PCDHGB1: variants seen among roughly 807,000 people sequenced by gnomAD.
PCDHGB1 encodes protocadherin gamma-B1.
In PCDHGB1, 34 loss-of-function variants were observed where a neutral mutation model predicts 56.6. That is an observed-to-expected ratio of 0.60 (90% CI 0.46 to 0.80). PCDHGB1 has a LOEUF of 0.80. Among genes scored for constraint, PCDHGB1 ranks in the 30% least tolerant of loss-of-function variants. PCDHGB1 has a pLI of 0.00. For missense variants in PCDHGB1, 1,278 were observed against 1,204.6 expected (o/e 1.06, Z -0.90); for synonymous variants, 561 against 505.9 (o/e 1.11, Z -1.46).
At chr5:141,404,410 A>G (rs1343740045) in intron 1 of PCDHGB1, 2 of 1,613,728 alleles carry the variant, frequency 1.2e-6, no homozygotes, top group Non-Finnish European at 1.7e-6. Context: ...AGAATTCTAG[A>G]GTTATTTACT....
At chr5:141,374,037 C>G (rs1770042713) in intron 1 of PCDHGB1, 8 of 1,446,082 alleles carry the variant, frequency 5.5e-6, no homozygotes, top group Non-Finnish European at 7.3e-6. Context: ...TGATGCAGAT[C>G]TGTTCTTCCT....
In PCDHGB1 at chr5:141,486,092, C is replaced by A; in HGVS notation, c.2410-8715C>A. Reference sequence around the variant, plus strand: ...TACTGGAAAGCTTACTCTTTTGGGGCCCCTAGACTTTGAGAGTGAGAATTA... The same window carrying A: ...TACTGGAAAGCTTACTCTTTTGGGGACCCTAGACTTTGAGAGTGAGAATTA... On this transcript the variant is annotated intron_variant, in intron 1 of 3. Coordinates refer to ENST00000523390, the MANE Select transcript of PCDHGB1 (RefSeq NM_018922.3). The surrounding 1 kb of genome is among the most constrained non-coding windows in gnomAD (Gnocchi z 5.0). 1.9e-6 allele frequency: 3 copies of A among 1,614,148 alleles called. No individual in the cohort carries two copies. Among genetic ancestry groups the A allele is most frequent in the Non-Finnish European group, 2.5e-6 (3 of 1,180,008 alleles).
chr5:141,506,216 T>A (rs2237080), intron 3 of PCDHGB1, among the ~76,000 whole-genome samples: 78,167 of 151,604 alleles, frequency 0.52, 20,820 homozygotes, highest in African/African-American at 0.63. Flanking sequence ...TTTGGGAAGC[T>A]GAGGCAGGAG....
intron 1 of PCDHGB1, chr5:141,410,112 C>T (rs775292594): frequency 1.9e-6 from 3 of 1,612,566 alleles, no homozygotes; most frequent in East Asian, 4.5e-5. Context: ...GACAGGGACG[C>T]AGCCCGCCAG....
chr5:141,352,378 G>T lies in PCDHGB1; in HGVS notation c.2118G>T (p.Ala706=). Reference sequence around the variant, plus strand: ...TCTTTCTCCTCGCGGTGATTCTAGCGATCGCCCTGCGCCTGCGACGTTCCT... The same window carrying T: ...TCTTTCTCCTCGCGGTGATTCTAGCTATCGCCCTGCGCCTGCGACGTTCCT... The part of the protein sequence containing the change: ...SVLFLLAVIL[A]IALRLRRSSS... Residue 706 remains alanine, a synonymous_variant, in exon 1 of 4, where the codon GCG becomes GCT. Coordinates refer to ENST00000523390, the MANE Select transcript of PCDHGB1 (RefSeq NM_018922.3). The T allele has an allele frequency of 4.3e-6, 7 of 1,614,008 alleles. No homozygotes were observed. The highest frequency in any genetic ancestry group is 4.2e-6 in the Non-Finnish European group (5 of 1,179,902).
chr5:141,422,296 A>C, intron 1 of PCDHGB1: 1 of 1,550,706 alleles, frequency 6.4e-7, no homozygotes, highest in South Asian at 1.3e-5. Context: ...TATTAATTCA[A>C]TTCTGGAAAA....
At chr5:141,383,126 C>A in intron 1 of PCDHGB1, 1 of 1,614,062 alleles carries the variant, frequency 6.2e-7, no homozygotes, top group East Asian at 2.2e-5. Context: ...CAGCTTTTCG[C>A]CCTGAACCAG....
Position 141,374,942 on chromosome 5 carries a change from A to G in PCDHGB1, c.2409+22273A>G, listed in dbSNP as rs758134474. The G allele has an allele frequency of 5.6e-6, 9 of 1,613,926 alleles. No individual in the cohort carries two copies. Among genetic ancestry groups the G allele is most frequent in the Non-Finnish European group, 7.6e-6 (9 of 1,179,910 alleles). ...TTATTCCTTTGTGAAGATTACAGAA[A>G]AGATCTCACAAATTTTCTGTTTGAA... On this transcript the variant is annotated intron_variant, in intron 1 of 3. Coordinates refer to ENST00000523390, the MANE Select transcript of PCDHGB1 (RefSeq NM_018922.3).
intron 1 of PCDHGB1, chr5:141,385,278 A>G (rs776235211): frequency 7.4e-6 from 12 of 1,613,478 alleles, no homozygotes; most frequent in Non-Finnish European, 1.0e-5. Flanking sequence ...CTTTGCTAAC[A>G]TCCGTAGATT....
At chr5:141,415,302 G>A in intron 1 of PCDHGB1, 3 of 1,614,212 alleles carry the variant, frequency 1.9e-6, no homozygotes, top group South Asian at 2.2e-5. Context: ...GCGTCTTCCT[G>A]GCCTTCGTCA....
chr5:141,376,010 G>A (rs1479116283), intron 1 of PCDHGB1: 4 of 1,613,424 alleles, frequency 2.5e-6, no homozygotes, highest in Middle Eastern at 1.7e-4. Flanking sequence ...GCAGAGCCTA[G>A]TGGTGGCCGT....
Position 141,487,297 on chromosome 5 carries a change from C to T in PCDHGB1, c.2410-7510C>T, listed in dbSNP as rs770262058. ...TTTGCTTTGTCTCCTTTGGCTCATT[C>T]GTGGCACTACTCTCTAAGTGTCTTC... On this transcript the variant is annotated intron_variant, in intron 1 of 3. Coordinates refer to ENST00000523390, the MANE Select transcript of PCDHGB1 (RefSeq NM_018922.3). This position sits in a 1 kb window ranked among gnomAD's most constrained non-coding sequence, Gnocchi z 5.0. The T allele has an allele frequency of 3.2e-5, 52 of 1,613,984 alleles. No homozygotes were observed. The highest frequency in any genetic ancestry group is 4.0e-5 in the African/African-American group (3 of 74,912).
rs756294828 is a variant in PCDHGB1, at chr5:141,417,904, G to A, written c.2409+65235G>A. 2.5e-6 allele frequency: 4 copies of A among 1,591,934 alleles called. No homozygotes were observed. The South Asian group carries it at 3.4e-5, about 13-fold the overall frequency. On this transcript the variant is annotated intron_variant, in intron 1 of 3. Transcript: ENST00000523390. Reference sequence around the variant, plus strand: ...AGAGGCGCCGGGCCGGCCCGCGGCAGGTACTATTTCCTTTGCTGCTGCCTT... The same window carrying A: ...AGAGGCGCCGGGCCGGCCCGCGGCAAGTACTATTTCCTTTGCTGCTGCCTT...
Position 141,477,486 on chromosome 5 carries a change from C to A in PCDHGB1, c.2410-17321C>A. On this transcript the variant is annotated intron_variant, in intron 1 of 3. Coordinates refer to ENST00000523390, the MANE Select transcript of PCDHGB1 (RefSeq NM_018922.3). This position sits in a 1 kb window ranked among gnomAD's most constrained non-coding sequence, Gnocchi z 4.9. ...GACATCAATGACAACCCTCCACAAT[C>A]TTCTCAATCTTCCTACGACGTTTAC... is the stretch of plus-strand genomic sequence containing the variant. The A allele has an allele frequency of 6.2e-7, 1 of 1,614,170 alleles. No homozygotes were observed. The highest frequency in any genetic ancestry group is 8.5e-7 in the Non-Finnish European group (1 of 1,180,040).
At chr5:141,405,145 G>T (rs772542898) in intron 1 of PCDHGB1, 1 of 1,614,070 alleles carries the variant, frequency 6.2e-7, no homozygotes, top group Non-Finnish European at 8.5e-7. Context: ...CCAGTGATGG[G>T]TTGGCTGGTG....
At chr5:141,408,636 C>A in intron 1 of PCDHGB1, 1 of 1,614,024 alleles carries the variant, frequency 6.2e-7, no homozygotes, top group Non-Finnish European at 8.5e-7. Flanking sequence ...ATTTTCGAAT[C>A]TGCATCCGCT....
intron 1 of PCDHGB1, chr5:141,418,974 G>C (rs754074516): frequency 1.0e-4 from 167 of 1,613,818 alleles, no homozygotes; most frequent in Non-Finnish European, 1.4e-4. Flanking sequence ...TTCAAAACAC[G>C]GGACCAAGAC....
At chr5:141,421,967 T>C (rs760789458) in intron 1 of PCDHGB1, 2 of 1,611,174 alleles carry the variant, frequency 1.2e-6, no homozygotes, top group Admixed American at 3.4e-5. Flanking sequence ...ACACAGTCCG[T>C]ATATCGCGTG....
At chr5:141,468,837 G>T in intron 1 of PCDHGB1, among the ~76,000 whole-genome samples, 1 of 152,108 alleles carries the variant, frequency 6.6e-6, no homozygotes, top group South Asian at 2.1e-4. Flanking sequence ...CTGCACTCCA[G>T]CCTGGGCAAC....
Sources: allele counts gnomAD v4.1 joint callset (sites outside exome capture counted in the v4.1 genomes callset), GRCh38; gene constraint gnomAD v4.1.1; non-coding constraint Gnocchi (gnomAD v3.1); transcripts MANE v1.5; gene names NCBI Gene and HGNC (gene_info 2026-07-23, HGNC 2026-07-21).